The following EPC2 variants were observed in gnomAD, a reference collection of about 807,000 sequenced individuals.
EPC2 encodes the protein enhancer of polycomb 2, also known as enhancer of polycomb homolog 2.
Under a neutral mutation model 92.1 loss-of-function variants are expected in EPC2, and 14 were observed. That is an observed-to-expected ratio of 0.15 (90% CI 0.10 to 0.24). The LOEUF is 0.24. Ranked by LOEUF, EPC2 falls within the 10% of genes least tolerant of loss-of-function variation. The probability of loss-of-function intolerance (pLI) is 1.00; values close to 1 mark genes in which losing one functional copy is unlikely to be tolerated. For missense variants in EPC2, 755 were observed against 971.5 expected (o/e 0.78, Z 2.96); for synonymous variants, 340 against 334.7 (o/e 1.02, Z -0.17).
In EPC2 at chr2:148,701,042, T is replaced by G. The variant is rs183465623; in HGVS notation, c.313+10669T>G. On this transcript the variant is annotated intron_variant, in intron 2 of 13. Transcript: ENST00000258484. The stretch of plus-strand genomic sequence containing the variant: ...TGTTGTTGTTCTAATGTAAATGGTG[T>G]TGTTCCTTAATTTCAAATACCGAGT... Among the ~76,000 whole-genome samples, 17 of 152,336 alleles carry G rather than the reference T, an allele frequency of 1.1e-4. No individual in the cohort carries two copies. The South Asian group carries it at 1.4e-3, about 13-fold the overall frequency.
At chr2:148,695,004 C>G (rs1681717428) in intron 2 of EPC2, among the ~76,000 whole-genome samples, 1 of 152,188 alleles carries the variant, frequency 6.6e-6, no homozygotes, top group South Asian at 2.1e-4. Context: ...GACTCCTGGC[C>G]TCATGATCCG....
intron 1 of EPC2, among the ~76,000 whole-genome samples, chr2:148,676,611 T>C (rs570023942): frequency 6.6e-6 from 1 of 152,234 alleles, no homozygotes; most frequent in Non-Finnish European, 1.5e-5. Context: ...TATTTATATT[T>C]GCTCATGTTA....
At chr2:148,779,282 A>C (rs1310146954) in intron 10 of EPC2, among the ~76,000 whole-genome samples, 1 of 152,198 alleles carries the variant, frequency 6.6e-6, no homozygotes, top group Non-Finnish European at 1.5e-5. Flanking sequence ...TTTGTTGTTT[A>C]TAAAAAGTAG....
chr2:148,662,678 G>A (rs1294125902), intron 1 of EPC2, among the ~76,000 whole-genome samples: 2 of 151,886 alleles, frequency 1.3e-5, no homozygotes, highest in Admixed American at 6.6e-5. Flanking sequence ...GGGGTGGGGG[G>A]AGGCGGGAGG....
chr2:148,653,527 G>C (rs1374980145), intron 1 of EPC2, among the ~76,000 whole-genome samples: 1 of 152,182 alleles, frequency 6.6e-6, no homozygotes, highest in Admixed American at 6.5e-5. Flanking sequence ...TTAACACTGT[G>C]GAGGAAGATG....
rs1356216311 is a variant in EPC2, at chr2:148,644,913, C to G, written c.-105C>G. ...TGAGGAGGAGGAGGAGCGGGCCGGC[C>G]GCGCTGCACTGAGGAAGGAGGTGGA... On this transcript the variant is annotated 5_prime_UTR_variant, in exon 1 of 14. Transcript: ENST00000258484. 5.0e-6 allele frequency: 5 copies of G among 1,005,152 alleles called. No individual in the cohort carries two copies. The highest frequency in any genetic ancestry group is 7.3e-6 in the Non-Finnish European group (5 of 682,426). 62.3% of individuals were successfully genotyped at this position (1,005,152 alleles called of 1,614,324 possible).
At position 148,694,626 on chromosome 2, in the gene EPC2, T is replaced by C. The variant is rs148969537; in HGVS notation, c.313+4253T>C. On this transcript the variant is annotated intron_variant, in intron 2 of 13. Coordinates refer to ENST00000258484, the MANE Select transcript of EPC2 (RefSeq NM_015630.4). ...AATTCAGTACCCAAACTTTTCTCTTTAAGGAAACAACTTTGTTTACATTTC... is the reference window on the plus strand; with the variant it reads ...AATTCAGTACCCAAACTTTTCTCTTCAAGGAAACAACTTTGTTTACATTTC... 2.4e-4 allele frequency among the ~76,000 whole-genome samples: 37 copies of C among 152,346 alleles called. No individual in the cohort carries two copies. The East Asian group carries it at 6.4e-3, about 26-fold the overall frequency.
intron 2 of EPC2, among the ~76,000 whole-genome samples, chr2:148,721,231 T>G (rs1682367768): frequency 6.6e-6 from 1 of 152,156 alleles, no homozygotes; most frequent in African/African-American, 2.4e-5. Context: ...GGCAACAAAG[T>G]CCTCAATTTT....
At chr2:148,736,219 G>A (rs934113874) in intron 2 of EPC2, among the ~76,000 whole-genome samples, 1 of 151,998 alleles carries the variant, frequency 6.6e-6, no homozygotes, top group African/African-American at 2.4e-5. Flanking sequence ...TTATGAGGAT[G>A]TTTATTTTGT....
intron 1 of EPC2, among the ~76,000 whole-genome samples, chr2:148,686,479 C>T (rs939327079): frequency 6.6e-6 from 1 of 152,162 alleles, no homozygotes; most frequent in Admixed American, 6.5e-5. Context: ...GGCATTTTGA[C>T]CTCTTTCTAT....
intron 2 of EPC2, among the ~76,000 whole-genome samples, chr2:148,728,375 ATTCT>A (rs1390208323): frequency 6.9e-6 from 1 of 145,538 alleles, no homozygotes; most frequent in Non-Finnish European, 1.5e-5. Context: ...ATATGTTCTC[ATTCT>A]TTTTTTTTTT....
At chr2:148,679,405 A>G (rs1255429456) in intron 1 of EPC2, among the ~76,000 whole-genome samples, 1 of 152,196 alleles carries the variant, frequency 6.6e-6, no homozygotes, top group Non-Finnish European at 1.5e-5. Context: ...ATATATCCCA[A>G]GATTGTGAGG....
intron 6 of EPC2, among the ~76,000 whole-genome samples, chr2:148,763,256 T>C (rs1574629349): frequency 6.6e-6 from 1 of 152,276 alleles, no homozygotes; most frequent in East Asian, 1.9e-4. Context: ...CCAGCATTTA[T>C]CAATTGTTAT....
In EPC2 at chr2:148,669,885, G is replaced by A. The variant is rs577851229; in HGVS notation, c.154-20329G>A. Reference sequence around the variant, plus strand: ...ATTTTGAGGTTTTTCAGTCTTGTTAGGAACAGGCATTGTGTTCCCTCAGAC... The same window carrying A: ...ATTTTGAGGTTTTTCAGTCTTGTTAAGAACAGGCATTGTGTTCCCTCAGAC... On this transcript the variant is annotated intron_variant, in intron 1 of 13. Transcript: ENST00000258484. Among the ~76,000 whole-genome samples, 7 of 152,170 alleles carry A rather than the reference G, an allele frequency of 4.6e-5. No individual in the cohort carries two copies. The East Asian group carries it at 1.4e-3, about 29-fold the overall frequency.
chr2:148,775,835 T>G (rs1412379653), intron 10 of EPC2, among the ~76,000 whole-genome samples: 2 of 139,154 alleles, frequency 1.4e-5, no homozygotes, highest in African/African-American at 5.3e-5. Flanking sequence ...TGGAGTACAG[T>G]GGCACGATCT....
At position 148,658,607 on chromosome 2, in the gene EPC2, G is replaced by GTGTA. The variant is rs1168257662; in HGVS notation, c.153+13438_153+13439insGTAT. On this transcript the variant is annotated intron_variant, in intron 1 of 13. Coordinates refer to ENST00000258484, the MANE Select transcript of EPC2 (RefSeq NM_015630.4). ...ATGAAGATTAGCTGTGTGTGTGTGT[G>GTGTA]TATATATATATATATATATATATAT... Among the ~76,000 whole-genome samples, 495 of 141,296 alleles carry GTGTA rather than the reference G, an allele frequency of 3.5e-3. 5 individuals carry two copies. The highest frequency in any genetic ancestry group is 0.035 in the East Asian group (159 of 4,566). The allele number at this position is 141,296 out of a possible 152,430, so 92.7% of individuals were successfully genotyped here. A position where few individuals can be genotyped will look rare whatever the true frequency, so the allele number is the denominator to read the frequency against.
intron 2 of EPC2, among the ~76,000 whole-genome samples, chr2:148,707,185 A>G (rs538004402): frequency 6.4e-4 from 97 of 152,334 alleles, no homozygotes; most frequent in Admixed American, 1.2e-3. Flanking sequence ...AAAAAGAGGC[A>G]GGGGTTGCAA....
At chr2:148,669,319 T>C (rs1363895106) in intron 1 of EPC2, among the ~76,000 whole-genome samples, 3 of 152,190 alleles carry the variant, frequency 2.0e-5, no homozygotes, top group Admixed American at 6.5e-5. Flanking sequence ...TATTATACTG[T>C]TGGGTGCTGG....
Position 148,644,937 on chromosome 2 carries a change from G to A in EPC2, c.-81G>A. 1 of 1,223,434 alleles carries A rather than the reference G, an allele frequency of 8.2e-7. No individual in the cohort carries two copies. Among genetic ancestry groups the A allele is most frequent in the East Asian group, 2.6e-5 (1 of 39,080 alleles). The allele number at this position is 1,223,434 out of a possible 1,614,324, so 75.8% of individuals were successfully genotyped here. A position where few individuals can be genotyped will look rare whatever the true frequency, so the allele number is the denominator to read the frequency against. On this transcript the variant is annotated 5_prime_UTR_variant, in exon 1 of 14. Transcript: ENST00000258484. ...CCGCGCTGCACTGAGGAAGGAGGTG[G>A]AGGAGGCGGCGGGAGTCCTCCCCCC... is the stretch of plus-strand genomic sequence containing the variant.
Sources: gnomAD v4.1 joint callset for allele counts (sites outside exome capture counted in the v4.1 genomes callset) on GRCh38, gnomAD v4.1.1 for gene constraint, MANE v1.5 for transcripts, NCBI Gene and HGNC (gene_info 2026-07-23, HGNC 2026-07-21) for gene names.